SIAH3: variants seen among roughly 807,000 people sequenced by gnomAD.
SIAH3 encodes siah E3 ubiquitin protein ligase family member 3, also known as seven in absentia homolog 3.
SIAH3 carries 9 observed loss-of-function variants against 12.6 expected under a neutral mutation model. That is an observed-to-expected ratio of 0.72 (90% CI 0.43 to 1.25). SIAH3 has a LOEUF of 1.25. Among genes scored for constraint, SIAH3 ranks in the 50% most tolerant of loss-of-function variants. The pLI is 0.00. For synonymous variants in SIAH3, 154 were observed against 151.1 expected (o/e 1.02, Z -0.14); for missense variants, 390 against 365.4 (o/e 1.07, Z -0.55).
In SIAH3 at chr13:45,780,276, T is replaced by A. The variant is rs1950499013; in HGVS notation, c.*3107A>T. On this transcript the variant is annotated 3_prime_UTR_variant, in exon 2 of 2. Coordinates refer to ENST00000400405, the MANE Select transcript of SIAH3 (RefSeq NM_198849.3). ...CTTCCAGGTGGACTAGTGCTTTTTT[T>A]TTTTTTCTAAAGAGATAGGGTCTCA... 6.6e-6 allele frequency: 1 copy of A among 152,020 alleles called. No homozygotes were observed. Among genetic ancestry groups the A allele is most frequent in the African/African-American group, 2.4e-5 (1 of 41,394 alleles). 9.4% of individuals were successfully genotyped at this position (152,020 alleles called of 1,614,324 possible).
chr13:45,800,271 A>C (rs1186815854), intron 1 of SIAH3, among the ~76,000 whole-genome samples: 4 of 152,160 alleles, frequency 2.6e-5, no homozygotes, highest in African/African-American at 9.7e-5. Context: ...TATATGCGTC[A>C]AGAGATGTAG....
rs199698583 is a variant in SIAH3 at position 45,783,504 on chromosome 13, G to C, written c.689C>G (p.Thr230Arg). ...GTTGAGGACGAGGCAGTCCCCGTCC[G>C]TAATCACCGAGTCCACGCACTCAAG... ...SVLECVDSVI[T>R]DGDCLVLNTS... is the part of the protein sequence containing the mutation. The change falls in exon 2 of 2, where the codon ACG becomes AGG. Residue 230 changes from threonine (T) to arginine (R), a missense_variant. By Grantham distance (71) the Thr-to-Arg change is moderately conservative. Transcript: ENST00000400405. 4.5e-5 allele frequency: 73 copies of C among 1,614,200 alleles called. No individual in the cohort carries two copies. The Middle Eastern group carries it at 1.6e-3, about 36-fold the overall frequency.
chr13:45,851,055 C>G (rs1273016343), intron 1 of SIAH3, among the ~76,000 whole-genome samples: 3 of 146,906 alleles, frequency 2.0e-5, no homozygotes, highest in East Asian at 4.1e-4. Flanking sequence ...TCCTCACCCC[C>G]CAGTAGCTTC....
intron 1 of SIAH3, among the ~76,000 whole-genome samples, chr13:45,791,680 G>A (rs1288408242): frequency 6.6e-6 from 1 of 152,228 alleles, no homozygotes; most frequent in East Asian, 1.9e-4. Context: ...AAGCTTTGAA[G>A]AAGAAATTTC....
At chr13:45,823,715 A>C in intron 1 of SIAH3, among the ~76,000 whole-genome samples, 1 of 152,178 alleles carries the variant, frequency 6.6e-6, no homozygotes, top group Non-Finnish European at 1.5e-5. Context: ...TACCTTTAAG[A>C]CAAGGTCAAA....
At chr13:45,815,366 C>T (rs1383571460) in intron 1 of SIAH3, among the ~76,000 whole-genome samples, 9 of 151,960 alleles carry the variant, frequency 5.9e-5, no homozygotes, top group Non-Finnish European at 1.3e-4. Flanking sequence ...AGACTGAGGC[C>T]TCCTGAGGAA....
chr13:45,842,571 A>G (rs2137584029), intron 1 of SIAH3, among the ~76,000 whole-genome samples: 1 of 152,040 alleles, frequency 6.6e-6, no homozygotes, highest in Middle Eastern at 3.4e-3. Context: ...CTGGTCTCGA[A>G]CCCCTGGGCT....
intron 1 of SIAH3, among the ~76,000 whole-genome samples, chr13:45,830,197 C>A (rs956827787): frequency 3.3e-5 from 5 of 152,236 alleles, no homozygotes; most frequent in African/African-American, 7.2e-5. Context: ...ACCTTCTTCT[C>A]TTCTCATCCC....
At chr13:45,846,230 C>T (rs1300466553) in intron 1 of SIAH3, among the ~76,000 whole-genome samples, 1 of 151,632 alleles carries the variant, frequency 6.6e-6, no homozygotes, top group Non-Finnish European at 1.5e-5. Flanking sequence ...GCTGGGACTA[C>T]AGGTGCCCGC....
In SIAH3 at chr13:45,826,440, CA is replaced by C. The variant is rs1950676800; in HGVS notation, c.135+25054del. On this transcript the variant is annotated intron_variant, in intron 1 of 1. Transcript: ENST00000400405. ...GGATGGATGGATGGATGAATGGATGCATGGATGGATGGATGGATGAATGGAT... is the reference window on the plus strand; with the variant it reads ...GGATGGATGGATGGATGAATGGATGCTGGATGGATGGATGGATGAATGGAT... 1.5e-4 allele frequency among the ~76,000 whole-genome samples: 7 copies of C among 48,068 alleles called. 1 individual carries two copies. The highest frequency in any genetic ancestry group is 2.2e-3 in the East Asian group (2 of 900). 31.5% of individuals were successfully genotyped at this position (48,068 alleles called of 152,430 possible).
intron 1 of SIAH3, among the ~76,000 whole-genome samples, chr13:45,796,373 T>C (rs1490917874): frequency 1.3e-5 from 2 of 152,194 alleles, no homozygotes; most frequent in African/African-American, 4.8e-5. Flanking sequence ...GGGGGTCTTT[T>C]CTTTCATTAT....
At chr13:45,822,734 T>C (rs1025187799) in intron 1 of SIAH3, among the ~76,000 whole-genome samples, 5 of 151,946 alleles carry the variant, frequency 3.3e-5, no homozygotes, top group Admixed American at 2.0e-4. Flanking sequence ...GGATGACAAA[T>C]GTTTGCTGTT....
chr13:45,817,814 T>G (rs969673569), intron 1 of SIAH3, among the ~76,000 whole-genome samples: 4 of 152,224 alleles, frequency 2.6e-5, no homozygotes, highest in African/African-American at 9.6e-5. Context: ...GCAGGCAACA[T>G]TGCTATTCCC....
intron 1 of SIAH3, among the ~76,000 whole-genome samples, chr13:45,827,372 G>A (rs1220579774): frequency 1.3e-5 from 2 of 152,158 alleles, no homozygotes; most frequent in African/African-American, 4.8e-5. Context: ...CTGAGCACCT[G>A]AACTATGCTA....
chr13:45,842,891 A>G (rs1434779473), intron 1 of SIAH3, among the ~76,000 whole-genome samples: 1 of 152,096 alleles, frequency 6.6e-6, no homozygotes, highest in Non-Finnish European at 1.5e-5. Context: ...GGTCTTGTTT[A>G]TCTCTATTTG....
Position 45,783,345 on chromosome 13 carries a change from T to C in SIAH3, c.*38A>G. 6.4e-7 allele frequency: 1 copy of C among 1,569,388 alleles called. No individual in the cohort carries two copies. The highest frequency in any genetic ancestry group is 2.3e-5 in the East Asian group (1 of 44,194). ...GTATTGGGAGGTCCCAGGCGTTTCC[T>C]AGGGAGGCTGTGTGGGGAGCATCCG... is the stretch of plus-strand genomic sequence containing the variant. On this transcript the variant is annotated 3_prime_UTR_variant, in exon 2 of 2. Coordinates refer to ENST00000400405, the MANE Select transcript of SIAH3 (RefSeq NM_198849.3).
At chr13:45,814,544 A>C (rs1240959938) in intron 1 of SIAH3, among the ~76,000 whole-genome samples, 1 of 152,096 alleles carries the variant, frequency 6.6e-6, no homozygotes, top group African/African-American at 2.4e-5. Flanking sequence ...GCAGCCAAAG[A>C]GACAGCATAT....
intron 1 of SIAH3, among the ~76,000 whole-genome samples, chr13:45,825,493 G>T (rs1305248681): frequency 6.6e-6 from 1 of 152,012 alleles, no homozygotes; most frequent in Admixed American, 6.5e-5. Context: ...GCCCTGCCTG[G>T]GGTGTGTGCT....
At chr13:45,834,019 A>G (rs948417800) in intron 1 of SIAH3, among the ~76,000 whole-genome samples, 1 of 151,952 alleles carries the variant, frequency 6.6e-6, no homozygotes, top group African/African-American at 2.4e-5. Flanking sequence ...AAAAAAAAAA[A>G]AGAAGGGGAA....
Sources: gnomAD v4.1 joint callset for allele counts (sites outside exome capture counted in the v4.1 genomes callset) on GRCh38, gnomAD v4.1.1 for gene constraint, MANE v1.5 for transcripts, NCBI Gene and HGNC (gene_info 2026-07-23, HGNC 2026-07-21) for gene names.